HCN1: variants seen among roughly 807,000 people sequenced by gnomAD.
The protein encoded by HCN1 is potassium/sodium hyperpolarization-activated cyclic nucleotide-gated channel 1.
In HCN1, 13 loss-of-function variants were observed where a neutral mutation model predicts 78.9. The observed-to-expected ratio is 0.16, with a 90% CI of 0.11 to 0.26. HCN1 has a LOEUF of 0.26. Ranked by LOEUF, HCN1 falls within the 10% of genes least tolerant of loss-of-function variation. The pLI, the probability that HCN1 is intolerant of heterozygous loss-of-function variation, is 1.00. For missense variants in HCN1, 810 were observed against 1,154.3 expected, an observed-to-expected ratio of 0.70 and a Z score of 4.32; for synonymous variants, 552 against 455.5, an observed-to-expected ratio of 1.21 and a Z score of -2.70.
intron 2 of HCN1, among the ~76,000 whole-genome samples, chr5:45,606,793 T>C (rs1744734665): frequency 6.6e-6 from 1 of 152,032 alleles, no homozygotes; most frequent in Non-Finnish European, 1.5e-5. Context: ...CACGAATGAA[T>C]CTAAATATGC....
At chr5:45,435,883 AT>A (rs1346848934) in intron 3 of HCN1, among the ~76,000 whole-genome samples, 3 of 152,162 alleles carry the variant, frequency 2.0e-5, no homozygotes, top group African/African-American at 7.2e-5. Context: ...CAGGGGGAAA[AT>A]CCTACAACAA....
intron 6 of HCN1, among the ~76,000 whole-genome samples, chr5:45,271,434 T>G (rs1254297534): frequency 6.6e-6 from 1 of 151,788 alleles, no homozygotes; most frequent in Non-Finnish European, 1.5e-5. Flanking sequence ...TTAGGGATTC[T>G]TTTTTTGGTA....
intron 2 of HCN1, among the ~76,000 whole-genome samples, chr5:45,600,313 A>G (rs1744596672): frequency 1.3e-5 from 2 of 152,080 alleles, no homozygotes; most frequent in South Asian, 4.1e-4. Context: ...TATTTTTCCT[A>G]CTTTCTCTCT....
At chr5:45,374,157 A>ACATTATAT (rs1747533028) in intron 4 of HCN1, among the ~76,000 whole-genome samples, 1 of 94,448 alleles carries the variant, frequency 1.1e-5, no homozygotes, top group African/African-American at 4.0e-5. Flanking sequence ...TATATAATAT[A>ACATTATAT]CATTATATAC....
chr5:45,359,404 CAA>C lies in HCN1; in HGVS notation c.1231-6160_1231-6159del, dbSNP rs71000628. Among the ~76,000 whole-genome samples, 277 of 143,064 alleles carry C rather than the reference CAA, an allele frequency of 1.9e-3. 1 individual carries two copies. Among genetic ancestry groups the C allele is most frequent in the South Asian group, 5.5e-3 (25 of 4,548 alleles). The allele number at this position is 143,064 out of a possible 152,430, so 93.9% of individuals were successfully genotyped here. Reference sequence around the variant, plus strand: ...TTAACTTTTTACTTTCAGGAAGCATCAAAAAAAAAAAAATATATATATATATA... The same window carrying C: ...TTAACTTTTTACTTTCAGGAAGCATCAAAAAAAAAAATATATATATATATA... On this transcript the variant is annotated intron_variant, in intron 4 of 7. Coordinates refer to ENST00000303230, the MANE Select transcript of HCN1 (RefSeq NM_021072.4).
chr5:45,372,111 ATAAT>A, intron 4 of HCN1, among the ~76,000 whole-genome samples: 2 of 59,804 alleles, frequency 3.3e-5, no homozygotes, highest in African/African-American at 1.7e-4. Flanking sequence ...TATATATAAT[ATAAT>A]TATATATTAT....
At chr5:45,466,631 T>TA (rs200304748) in intron 2 of HCN1, among the ~76,000 whole-genome samples, 4,738 of 152,092 alleles carry the variant, frequency 0.031, 287 homozygotes, top group African/African-American at 0.11. Context: ...GACACAAAAT[T>TA]AAAAAAACAG....
At chr5:45,587,481 C>G (rs1368960395) in intron 2 of HCN1, among the ~76,000 whole-genome samples, 1 of 147,632 alleles carries the variant, frequency 6.8e-6, no homozygotes, top group African/African-American at 2.5e-5. Context: ...TTCTCACTCA[C>G]AGGTGGGAAT....
chr5:45,582,038 G>T (rs1170411665), intron 2 of HCN1, among the ~76,000 whole-genome samples: 4 of 151,880 alleles, frequency 2.6e-5, no homozygotes, highest in South Asian at 2.1e-4. Flanking sequence ...TTTAAAGTAG[G>T]TTTTTCCAAT....
chr5:45,523,869 A>T (rs1330301737), intron 2 of HCN1, among the ~76,000 whole-genome samples: 1 of 152,014 alleles, frequency 6.6e-6, no homozygotes, highest in African/African-American at 2.4e-5. Context: ...GTTTAATTAG[A>T]TCCCATTTGT....
chr5:45,520,574 T>G (rs1238178510), intron 2 of HCN1, among the ~76,000 whole-genome samples: 1 of 152,050 alleles, frequency 6.6e-6, no homozygotes, highest in African/African-American at 2.4e-5. Flanking sequence ...CCTGACCCTA[T>G]TATCTTTTGA....
At chr5:45,578,719 A>G (rs1743996901) in intron 2 of HCN1, among the ~76,000 whole-genome samples, 1 of 149,646 alleles carries the variant, frequency 6.7e-6, no homozygotes, top group South Asian at 2.1e-4. Flanking sequence ...TTTACAGATG[A>G]AAAAAAATGA....
At chr5:45,381,448 A>T (rs1228870440) in intron 4 of HCN1, among the ~76,000 whole-genome samples, 1 of 152,120 alleles carries the variant, frequency 6.6e-6, no homozygotes, top group African/African-American at 2.4e-5. Flanking sequence ...AATTTGAAAC[A>T]AATAAAGTAA....
intron 5 of HCN1, among the ~76,000 whole-genome samples, chr5:45,337,839 A>G (rs1425633142): frequency 1.3e-5 from 2 of 152,168 alleles, no homozygotes; most frequent in Non-Finnish European, 2.9e-5. Flanking sequence ...GATTTGAACA[A>G]TAAGAATGGG....
chr5:45,314,010 C>G (rs1455803210), intron 5 of HCN1, among the ~76,000 whole-genome samples: 2 of 152,082 alleles, frequency 1.3e-5, no homozygotes, highest in African/African-American at 4.8e-5. Flanking sequence ...TCAGGAAATA[C>G]AGAGAATGCC....
At chr5:45,373,630 G>A (rs1425492946) in intron 4 of HCN1, among the ~76,000 whole-genome samples, 6 of 117,128 alleles carry the variant, frequency 5.1e-5, no homozygotes, top group Non-Finnish European at 6.8e-5. Context: ...TATTACATAC[G>A]GTATATACGT....
chr5:45,571,767 A>G (rs1187117438), intron 2 of HCN1, among the ~76,000 whole-genome samples: 1 of 152,104 alleles, frequency 6.6e-6, no homozygotes, highest in Non-Finnish European at 1.5e-5. Context: ...ACAAAAAATT[A>G]GCCAGGCATG....
chr5:45,334,891 A>G (rs1746423067), intron 5 of HCN1, among the ~76,000 whole-genome samples: 1 of 152,012 alleles, frequency 6.6e-6, no homozygotes, highest in Admixed American at 6.6e-5. Context: ...ACATTTTTAG[A>G]AGGCATTTAA....
intron 3 of HCN1, among the ~76,000 whole-genome samples, chr5:45,402,908 T>C (rs1406307902): frequency 7.0e-6 from 1 of 141,854 alleles, no homozygotes; most frequent in Non-Finnish European, 1.5e-5. Context: ...CTTTTCTTTC[T>C]TTTGTCTCAC....
Sources: allele counts gnomAD v4.1 joint callset (sites outside exome capture counted in the v4.1 genomes callset), GRCh38; gene constraint gnomAD v4.1.1; transcripts MANE v1.5; gene names NCBI Gene and HGNC (gene_info 2026-07-23, HGNC 2026-07-21).